Variants in VAT1L observed in about 807,000 individuals in gnomAD.
VAT1L encodes the protein vesicle amine transport 1 like.
Under a neutral mutation model 44.1 loss-of-function variants are expected in VAT1L, and 34 were observed. The observed-to-expected ratio is 0.77, with a 90% confidence interval of 0.59 to 1.03. The LOEUF (loss-of-function observed/expected upper bound fraction) is 1.03, where lower values mean the gene tolerates loss of function less well. VAT1L is among the 50% of genes least tolerant of loss of function. VAT1L has a pLI of 0.00. For missense variants in VAT1L, 615 were observed against 538.8 expected (o/e 1.14, Z -1.40); for synonymous variants, 253 against 202.2 (o/e 1.25, Z -2.13).
chr16:77,895,338 T>G (rs1420774542), intron 7 of VAT1L, among the ~76,000 whole-genome samples: 1 of 39,950 alleles, frequency 2.5e-5, no homozygotes, highest in Non-Finnish European at 7.4e-5. Context: ...GTCCACATCC[T>G]AATCCCTAGA....
At chr16:77,892,851 G>C in intron 7 of VAT1L, 1 of 969,122 alleles carries the variant, frequency 1.0e-6, no homozygotes, top group Non-Finnish European at 1.7e-6. Flanking sequence ...GCCATGGAGT[G>C]CTTTGGGTCC....
chr16:77,851,957 C>T (rs2142434026), intron 3 of VAT1L, among the ~76,000 whole-genome samples: 1 of 152,268 alleles, frequency 6.6e-6, no homozygotes, highest in South Asian at 2.1e-4. Flanking sequence ...CTACAGAGCC[C>T]TGAAATGGCA....
At chr16:77,851,758 C>T (rs777906637) in intron 3 of VAT1L, among the ~76,000 whole-genome samples, 7 of 152,126 alleles carry the variant, frequency 4.6e-5, no homozygotes, top group Non-Finnish European at 8.8e-5. Context: ...CATGTGAGTT[C>T]GCTGAGGCTC....
intron 3 of VAT1L, among the ~76,000 whole-genome samples, chr16:77,832,449 G>T (rs941871998): frequency 6.6e-6 from 1 of 152,156 alleles, no homozygotes; most frequent in Non-Finnish European, 1.5e-5. Flanking sequence ...ACTTCCTCTA[G>T]TCTGGTCCCA....
intron 7 of VAT1L, among the ~76,000 whole-genome samples, chr16:77,888,248 TC>T (rs1720308310): frequency 6.6e-6 from 1 of 152,186 alleles, no homozygotes; most frequent in African/African-American, 2.4e-5. Context: ...GTTGAAATGA[TC>T]CTGTTCTTTT....
At position 77,795,813 on chromosome 16, in the gene VAT1L, C is replaced by CTTTTTTTT. The variant is rs56725954; in HGVS notation, c.233+6916_233+6923dup. 1.5e-3 allele frequency among the ~76,000 whole-genome samples: 148 copies of CTTTTTTTT among 100,594 alleles called. 1 individual carries two copies. The highest frequency in any genetic ancestry group is 2.1e-3 in the African/African-American group (57 of 26,596). 66.0% of individuals were successfully genotyped at this position (100,594 alleles called of 152,430 possible). On this transcript the variant is annotated intron_variant, in intron 1 of 8. Transcript: ENST00000302536. ...CAAGTCGCTTAGCTCCCTTTTTTCTCTTTTTTTTTTTTTTTTTTTTTTTTT... is the reference window on the plus strand; with the variant it reads ...CAAGTCGCTTAGCTCCCTTTTTTCTCTTTTTTTTTTTTTTTTTTTTTTTTTTTTTTTTT...
intron 8 of VAT1L, among the ~76,000 whole-genome samples, chr16:77,972,774 T>A (rs1432245441): frequency 6.6e-6 from 1 of 151,302 alleles, no homozygotes; most frequent in Admixed American, 6.6e-5. Flanking sequence ...AGAATGAGAC[T>A]GTCTCAAAAA....
chr16:77,892,844 A>G (rs1597086271), intron 7 of VAT1L: 6 of 911,262 alleles, frequency 6.6e-6, no homozygotes, highest in East Asian at 2.4e-5. Context: ...TGTGGAGGCC[A>G]TGGAGTGCTT....
intron 7 of VAT1L, among the ~76,000 whole-genome samples, chr16:77,960,844 C>T (rs368656261): frequency 2.6e-5 from 4 of 151,910 alleles, no homozygotes; most frequent in South Asian, 4.2e-4. Flanking sequence ...TAACTACTGC[C>T]GAGAAATGAC....
At chr16:77,949,887 G>C (rs1481061931) in intron 7 of VAT1L, among the ~76,000 whole-genome samples, 1 of 152,248 alleles carries the variant, frequency 6.6e-6, no homozygotes, top group Admixed American at 6.5e-5. Flanking sequence ...CCTTTGTGAA[G>C]CACGTGGCTC....
intron 7 of VAT1L, among the ~76,000 whole-genome samples, chr16:77,895,621 G>A (rs1258300244): frequency 6.6e-6 from 1 of 152,224 alleles, no homozygotes; most frequent in Non-Finnish European, 1.5e-5. Flanking sequence ...TTGACACCTT[G>A]ATGTTAGCCC....
At chr16:77,890,176 T>C (rs2142466158) in intron 7 of VAT1L, among the ~76,000 whole-genome samples, 1 of 151,988 alleles carries the variant, frequency 6.6e-6, no homozygotes, top group East Asian at 1.9e-4. Flanking sequence ...TAGGAATGAT[T>C]TGGATGACAC....
chr16:77,902,181 T>A (rs2017390071), intron 7 of VAT1L, among the ~76,000 whole-genome samples: 1 of 152,222 alleles, frequency 6.6e-6, no homozygotes, highest in Admixed American at 6.5e-5. Context: ...GTTGATGAGC[T>A]CATCTTATTC....
chr16:77,875,734 A>T (rs746379087), intron 4 of VAT1L, among the ~76,000 whole-genome samples: 1 of 152,168 alleles, frequency 6.6e-6, no homozygotes, highest in Non-Finnish European at 1.5e-5. Flanking sequence ...TCTCTATTTA[A>T]CCCTCTTCCT....
intron 7 of VAT1L, among the ~76,000 whole-genome samples, chr16:77,934,254 GT>G (rs2142505095): frequency 6.6e-6 from 1 of 152,120 alleles, no homozygotes; most frequent in African/African-American, 2.4e-5. Context: ...AAACCCCTAG[GT>G]TTTTGGCCTG....
chr16:77,964,402 C>T (rs975384516), intron 7 of VAT1L, among the ~76,000 whole-genome samples: 2 of 152,136 alleles, frequency 1.3e-5, no homozygotes, highest in Non-Finnish European at 2.9e-5. Flanking sequence ...CCAGAGGCCA[C>T]GTGCGTTTTT....
chr16:77,836,920 A>G (rs536478912), intron 3 of VAT1L, among the ~76,000 whole-genome samples: 2 of 152,216 alleles, frequency 1.3e-5, no homozygotes, highest in Non-Finnish European at 2.9e-5. Flanking sequence ...GCTAAAGTAG[A>G]TTGAGCTCAA....
intron 3 of VAT1L, among the ~76,000 whole-genome samples, chr16:77,825,765 C>G (rs191293017): frequency 9.9e-5 from 15 of 151,910 alleles, no homozygotes; most frequent in African/African-American, 2.7e-4. Context: ...GCCTGTAATC[C>G]CAGCACTTTG....
chr16:77,820,212 A>T (rs181727024), intron 2 of VAT1L, among the ~76,000 whole-genome samples: 126 of 152,306 alleles, frequency 8.3e-4, no homozygotes, highest in Admixed American at 4.4e-3. Flanking sequence ...GCACCTGGTC[A>T]GATTGAACTT....
Sources: allele counts gnomAD v4.1 joint callset (sites outside exome capture counted in the v4.1 genomes callset), GRCh38; gene constraint gnomAD v4.1.1; transcripts MANE v1.5; gene names NCBI Gene and HGNC (gene_info 2026-07-23, HGNC 2026-07-21).